Variants in SUFU observed in about 807,000 individuals in gnomAD.
The protein encoded by SUFU is suppressor of fused homolog.
A neutral mutation model predicts 58.9 loss-of-function variants in SUFU; 7 were observed. The ratio of observed to expected loss-of-function variants is 0.12; its 90% CI spans 0.07 to 0.22. The LOEUF (loss-of-function observed/expected upper bound fraction) is 0.22. SUFU is among the 10% of genes least tolerant of loss of function. SUFU has a pLI of 1.00. For missense variants in SUFU, 451 were observed against 641.3 expected (o/e 0.70, Z 3.20); for synonymous variants, 232 against 254.8 (o/e 0.91, Z 0.85).
At chr10:102,582,103 G>C (rs2063286152) in intron 3 of SUFU, among the ~76,000 whole-genome samples, 1 of 152,176 alleles carries the variant, frequency 6.6e-6, no homozygotes, top group Non-Finnish European at 1.5e-5. Context: ...AGAGCACCTG[G>C]AGAAAAGGGG....
At chr10:102,528,208 G>C (rs935756755) in intron 2 of SUFU, among the ~76,000 whole-genome samples, 17 of 152,174 alleles carry the variant, frequency 1.1e-4, no homozygotes, top group African/African-American at 4.1e-4. Context: ...TCCAGCAGGG[G>C]ATGGTTGAAT....
intron 6 of SUFU, among the ~76,000 whole-genome samples, chr10:102,594,774 A>G (rs1244639817): frequency 6.6e-6 from 1 of 152,134 alleles, no homozygotes; most frequent in Non-Finnish European, 1.5e-5. Flanking sequence ...CCTGGAGTGC[A>G]GTGGCACAAT....
At chr10:102,590,614 A>G (rs1185841113) in intron 3 of SUFU, among the ~76,000 whole-genome samples, 1 of 152,170 alleles carries the variant, frequency 6.6e-6, no homozygotes, top group Non-Finnish European at 1.5e-5. Context: ...CTGGTTTCAT[A>G]GAATGAATTA....
At chr10:102,516,788 G>A (rs1302405634) in intron 2 of SUFU, among the ~76,000 whole-genome samples, 1 of 151,722 alleles carries the variant, frequency 6.6e-6, no homozygotes, top group Non-Finnish European at 1.5e-5. Flanking sequence ...CCTTGTGCTG[G>A]GATTACAGGT....
intron 2 of SUFU, among the ~76,000 whole-genome samples, chr10:102,522,913 G>T (rs748347357): frequency 3.7e-4 from 56 of 152,152 alleles, no homozygotes; most frequent in Non-Finnish European, 6.9e-4. Flanking sequence ...AAGACATTGT[G>T]GGGAGGTGGG....
At chr10:102,528,860 C>G (rs1279485028) in intron 2 of SUFU, among the ~76,000 whole-genome samples, 1 of 152,026 alleles carries the variant, frequency 6.6e-6, no homozygotes, top group Non-Finnish European at 1.5e-5. Context: ...CTTCTATAAC[C>G]CAGAGTTGCA....
intron 3 of SUFU, among the ~76,000 whole-genome samples, chr10:102,589,086 C>T (rs1034199818): frequency 1.4e-5 from 2 of 141,580 alleles, no homozygotes; most frequent in African/African-American, 2.5e-5. Context: ...CCATGCCTGG[C>T]TAATTTGTGT....
intron 3 of SUFU, chr10:102,573,028 G>C (rs1191389111): frequency 5.3e-5 from 56 of 1,049,370 alleles, no homozygotes; most frequent in Non-Finnish European, 7.7e-5. Context: ...CTTGTTCTCC[G>C]GGGTTGGTCT....
At chr10:102,627,024 A>G (rs774599865) in intron 10 of SUFU, 151 bp from the exon 11 acceptor site, 1 of 792,152 alleles carries the variant, frequency 1.3e-6, no homozygotes, top group Non-Finnish European at 2.1e-6. Flanking sequence ...ACAGCTGGGG[A>G]CAGGCCTCAA....
chr10:102,598,169 T>C (rs556648884), intron 7 of SUFU, among the ~76,000 whole-genome samples: 1 of 152,244 alleles, frequency 6.6e-6, no homozygotes, highest in South Asian at 2.1e-4. Context: ...TTTTTTTTTT[T>C]CTTTGAAACA....
chr10:102,557,674 G>T (rs145984575), intron 3 of SUFU, among the ~76,000 whole-genome samples: 7 of 152,246 alleles, frequency 4.6e-5, no homozygotes, highest in African/African-American at 1.4e-4. Flanking sequence ...AGGTGACTGG[G>T]ACAACAAGGG....
At chr10:102,627,068 G>T in intron 10 of SUFU, 107 bp from the exon 11 acceptor site, 1 of 1,217,272 alleles carries the variant, frequency 8.2e-7, no homozygotes, top group South Asian at 1.2e-5. Flanking sequence ...AGATCACAGT[G>T]AGCTCATCTC....
intron 2 of SUFU, among the ~76,000 whole-genome samples, chr10:102,533,962 G>C (rs183818875): frequency 4.6e-5 from 7 of 152,352 alleles, no homozygotes; most frequent in African/African-American, 1.7e-4. Context: ...ATCAGGTTTG[G>C]TAAGATACTG....
At chr10:102,571,474 G>C (rs2063159581) in intron 3 of SUFU, among the ~76,000 whole-genome samples, 1 of 151,818 alleles carries the variant, frequency 6.6e-6, no homozygotes, top group Non-Finnish European at 1.5e-5. Context: ...AGACCAGCCT[G>C]GGCAACATGC....
At chr10:102,564,505 G>GT (rs2063068705) in intron 3 of SUFU, among the ~76,000 whole-genome samples, 1 of 152,090 alleles carries the variant, frequency 6.6e-6, no homozygotes, top group East Asian at 1.9e-4. Flanking sequence ...GCTAATTTTT[G>GT]TATTTTTAGT....
chr10:102,619,556 C>A lies in SUFU; in HGVS notation c.1296+2128C>A. On this transcript the variant is annotated intron_variant, in intron 10 of 11. Coordinates refer to ENST00000369902, the MANE Select transcript of SUFU (RefSeq NM_016169.4). This position sits in a 1 kb window ranked among gnomAD's most constrained non-coding sequence, Gnocchi z 4.2. The stretch of plus-strand genomic sequence containing the variant: ...GGAAGGCTGGCGGAGGCCCCACACC[C>A]CAAGCACCCACCCTTGATCACCGAG... 3.9e-6 allele frequency: 4 copies of A among 1,031,320 alleles called. No homozygotes were observed. Among genetic ancestry groups the A allele is most frequent in the Non-Finnish European group, 4.7e-6 (4 of 843,250 alleles). 63.9% of individuals were successfully genotyped at this position (1,031,320 alleles called of 1,614,324 possible).
intron 2 of SUFU, among the ~76,000 whole-genome samples, chr10:102,549,624 A>C (rs1398687803): frequency 6.6e-6 from 1 of 152,218 alleles, no homozygotes; most frequent in Admixed American, 6.5e-5. Flanking sequence ...AGGAATAAGG[A>C]GCATGAACAA....
intron 3 of SUFU, among the ~76,000 whole-genome samples, chr10:102,568,949 T>TATATAC (rs2063132792): frequency 9.6e-6 from 1 of 103,726 alleles, no homozygotes; most frequent in African/African-American, 3.8e-5. Flanking sequence ...TATATATATA[T>TATATAC]ATATATATAT....
chr10:102,519,827 G>C (rs142438225), intron 2 of SUFU, among the ~76,000 whole-genome samples: 1 of 151,918 alleles, frequency 6.6e-6, no homozygotes, highest in Non-Finnish European at 1.5e-5. Flanking sequence ...GCTGGAATGC[G>C]GTGGCATGAT....
Sources: allele counts gnomAD v4.1 joint callset (sites outside exome capture counted in the v4.1 genomes callset), GRCh38; gene constraint gnomAD v4.1.1; non-coding constraint Gnocchi (gnomAD v3.1); transcripts MANE v1.5; gene names NCBI Gene and HGNC (gene_info 2026-07-23, HGNC 2026-07-21).